DDHD1: variants seen among roughly 807,000 people sequenced by gnomAD.
The protein encoded by DDHD1 is DDHD domain containing 1, also known as phospholipase DDHD1.
In DDHD1, 49 loss-of-function variants were observed where a neutral mutation model predicts 96.4. The observed-to-expected ratio is 0.51, with a 90% CI of 0.40 to 0.64. The LOEUF (loss-of-function observed/expected upper bound fraction) is 0.64. Among genes scored for constraint, DDHD1 ranks in the 30% least tolerant of loss-of-function variants. The probability of loss-of-function intolerance (pLI) is 0.00; values close to 1 mark genes in which losing one functional copy is unlikely to be tolerated. For synonymous variants in DDHD1, 442 were observed against 446.5 expected, an observed-to-expected ratio of 0.99 and a Z score of 0.13; for missense variants, 1,106 against 1,161.2, an observed-to-expected ratio of 0.95 and a Z score of 0.69.
intron 8 of DDHD1, among the ~76,000 whole-genome samples, chr14:53,059,453 G>C (rs957777992): frequency 5.3e-5 from 8 of 151,600 alleles, no homozygotes; most frequent in African/African-American, 1.7e-4. Context: ...TACTGTGTTA[G>C]TCAGGATAGT....
chr14:53,062,236 C>T (rs1282917320), intron 7 of DDHD1, among the ~76,000 whole-genome samples: 7 of 151,730 alleles, frequency 4.6e-5, no homozygotes, highest in Admixed American at 4.6e-4. Flanking sequence ...AAATGAAATC[C>T]TTAGTTAACA....
At chr14:53,114,880 C>T (rs1007177567) in intron 1 of DDHD1, among the ~76,000 whole-genome samples, 4 of 152,094 alleles carry the variant, frequency 2.6e-5, no homozygotes, top group South Asian at 4.2e-4. Flanking sequence ...ATGAGATTGC[C>T]GAATTGACAG....
At chr14:53,111,643 C>G (rs532961209) in intron 1 of DDHD1, among the ~76,000 whole-genome samples, 1 of 151,110 alleles carries the variant, frequency 6.6e-6, no homozygotes, top group Non-Finnish European at 1.5e-5. Context: ...TACCCCCCCC[C>G]AAAAAAATAC....
At chr14:53,080,274 T>C (rs766052291) in intron 4 of DDHD1, among the ~76,000 whole-genome samples, 1 of 152,130 alleles carries the variant, frequency 6.6e-6, no homozygotes, top group Non-Finnish European at 1.5e-5. Context: ...GGCAGAAGAA[T>C]TGCTTGAACC....
chr14:53,152,704 C>A lies in DDHD1; in HGVS notation c.395G>T (p.Gly132Val), dbSNP rs1225521937. The part of the protein sequence containing the change: ...QPPLVPTNSG[G>V]GGATGGSPGE... ...GGGGGACCCTCCTGTCGCGCCGCCG[C>A]CCCCCGAGTTCGTCGGGACCAGCGG... is the stretch of plus-strand genomic sequence containing the variant. Residue 132 changes from glycine to valine, a missense_variant, in exon 1 of 13, where the codon GGC (glycine) becomes GTC (valine). Physicochemically the swap from Gly to Val is moderately radical, Grantham distance 109. Coordinates refer to ENST00000673822, the MANE Select transcript of DDHD1 (RefSeq NM_001160148.2). The A allele has an allele frequency of 3.1e-6, 5 of 1,610,442 alleles. No individual in the cohort carries two copies. In the African/African-American group the frequency reaches 4.0e-5, roughly 13 times the overall value.
chr14:53,060,449 A>G (rs370559263), intron 8 of DDHD1, among the ~76,000 whole-genome samples: 1 of 152,152 alleles, frequency 6.6e-6, no homozygotes, highest in East Asian at 1.9e-4. Flanking sequence ...ACTTCTGTAT[A>G]TTATAGCTAA....
At chr14:53,103,000 A>G (rs1595179051) in intron 2 of DDHD1, 4 of 1,549,820 alleles carry the variant, frequency 2.6e-6, no homozygotes, top group East Asian at 4.8e-5. Flanking sequence ...CAAATCTACA[A>G]ATTCTAATCT....
intron 1 of DDHD1, among the ~76,000 whole-genome samples, chr14:53,128,573 C>T (rs1441586229): frequency 6.6e-6 from 1 of 152,184 alleles, no homozygotes; most frequent in Non-Finnish European, 1.5e-5. Flanking sequence ...AGTATTTCAA[C>T]ATACAAATTT....
At chr14:53,068,756 T>C (rs1347673090) in intron 6 of DDHD1, among the ~76,000 whole-genome samples, 1 of 152,178 alleles carries the variant, frequency 6.6e-6, no homozygotes, top group Non-Finnish European at 1.5e-5. Context: ...CAGTGTATGA[T>C]TATTGTCGCT....
chr14:53,139,838 G>T (rs1056553286), intron 1 of DDHD1, among the ~76,000 whole-genome samples: 3 of 77,202 alleles, frequency 3.9e-5, no homozygotes, highest in African/African-American at 4.9e-5. Context: ...ACTGCCAAGA[G>T]ACCACAAAAA....
chr14:53,070,498 G>A (rs1884425399), intron 6 of DDHD1, among the ~76,000 whole-genome samples: 1 of 152,030 alleles, frequency 6.6e-6, no homozygotes, highest in South Asian at 2.1e-4. Context: ...TTAGAACCTT[G>A]TTATTGCTCA....
At chr14:53,101,019 C>T (rs1172915884) in intron 2 of DDHD1, among the ~76,000 whole-genome samples, 1 of 152,088 alleles carries the variant, frequency 6.6e-6, no homozygotes, top group African/African-American at 2.4e-5. Context: ...ATTTCTTTCA[C>T]AAAAGTGCCT....
At chr14:53,123,722 T>C (rs1889195023) in intron 1 of DDHD1, among the ~76,000 whole-genome samples, 1 of 152,102 alleles carries the variant, frequency 6.6e-6, no homozygotes. Context: ...GGAATAATAA[T>C]GCATGGAAAT....
At chr14:53,113,260 G>A (rs755021766) in intron 1 of DDHD1, among the ~76,000 whole-genome samples, 16 of 151,594 alleles carry the variant, frequency 1.1e-4, no homozygotes, top group African/African-American at 1.7e-4. Context: ...ATGCCACGAC[G>A]CCTGGCCATC....
rs1044840596 is a variant in DDHD1 at position 53,039,185 on chromosome 14, G to C, written c.*7583C>G. On this transcript the variant is annotated 3_prime_UTR_variant, in exon 13 of 13. Transcript: ENST00000673822. Reference sequence around the variant, plus strand: ...TCCAGGAACTCTTGGCTCATTTCTTGTGTATGCTTCCTTTTCATGGCAGAT... The same window carrying C: ...TCCAGGAACTCTTGGCTCATTTCTTCTGTATGCTTCCTTTTCATGGCAGAT... 3 of 152,330 alleles carry C rather than the reference G, an allele frequency of 2.0e-5. No homozygotes were observed. Among genetic ancestry groups the C allele is most frequent in the Admixed American group, 1.3e-4 (2 of 15,296 alleles). The allele number at this position is 152,330 out of a possible 1,614,324, so 9.4% of individuals were successfully genotyped here.
chr14:53,073,796 T>C lies in DDHD1; in HGVS notation c.1341A>G (p.Ala447=), dbSNP rs1309370954. 2 of 1,611,314 alleles carry C rather than the reference T, an allele frequency of 1.2e-6. No homozygotes were observed. The highest frequency in any genetic ancestry group is 2.7e-5 in the African/African-American group (2 of 74,778). ...KIEERHFSNH[A]THVEFLPVEW... ...CAACAGGCAGAAATTCAACATGTGT[T>C]GCATGGTTGGAAAAATGCCTTTCTT... Residue 447 remains alanine, a synonymous_variant, in exon 5 of 13, where the codon GCA becomes GCG. Coordinates refer to ENST00000673822, the MANE Select transcript of DDHD1 (RefSeq NM_001160148.2).
At chr14:53,054,395 A>C (rs1389111145) in intron 11 of DDHD1, 43 bp downstream of exon 11, 36 of 1,572,464 alleles carry the variant, frequency 2.3e-5, no homozygotes, top group Non-Finnish European at 3.0e-5. Context: ...CCAAGTTTTA[A>C]AAAGATACAG....
intron 4 of DDHD1, among the ~76,000 whole-genome samples, chr14:53,086,825 C>T (rs527943853): frequency 6.6e-6 from 1 of 152,128 alleles, no homozygotes; most frequent in Admixed American, 6.5e-5. Flanking sequence ...TGTAAATGGG[C>T]TAAATGTCCC....
intron 9 of DDHD1, 45 bp from the exon 10 acceptor site, chr14:53,055,957 C>A: frequency 6.5e-7 from 1 of 1,531,422 alleles, no homozygotes; most frequent in Non-Finnish European, 8.9e-7. Flanking sequence ...TGTTAAATCA[C>A]AATGCTTGGA....
Sources: gnomAD v4.1 joint callset for allele counts (sites outside exome capture counted in the v4.1 genomes callset) on GRCh38, gnomAD v4.1.1 for gene constraint, MANE v1.5 for transcripts, NCBI Gene and HGNC (gene_info 2026-07-23, HGNC 2026-07-21) for gene names.